The following MPND variants were observed in gnomAD, a reference collection of about 807,000 sequenced individuals.
The protein encoded by MPND is MPN domain containing, also known as MPN domain-containing protein.
In MPND, 56 loss-of-function variants were observed where a neutral mutation model predicts 59.2. The observed-to-expected ratio is 0.95, with a 90% CI of 0.76 to 1.18. The LOEUF (loss-of-function observed/expected upper bound fraction) is 1.18. Ranked by LOEUF, MPND falls within the 50% of genes most tolerant of loss-of-function variation. The pLI is 0.00. For missense variants in MPND, 671 were observed against 676.0 expected (o/e 0.99, Z 0.08); for synonymous variants, 323 against 291.9 (o/e 1.11, Z -1.09).
At chr19:4,357,733 C>CT (rs1972475162) in intron 10 of MPND, 148 bp downstream of exon 10, 1 of 778,098 alleles carries the variant, frequency 1.3e-6, no homozygotes, top group South Asian at 1.8e-5. Flanking sequence ...GACTGCTGCC[C>CT]TGCCCATATT....
rs201493632 is a variant in MPND at position 4,345,842 on chromosome 19, G to A, written c.392G>A (p.Cys131Tyr). The A allele has an allele frequency of 8.1e-6, 13 of 1,613,974 alleles. No homozygotes were observed. The highest frequency in any genetic ancestry group is 1.7e-5 in the Admixed American group (1 of 59,990). Residue 131 changes from cysteine (C) to tyrosine (Y), a missense_variant, in exon 3 of 13, where the codon TGC (cysteine) becomes TAC (tyrosine). By Grantham distance (194) the Cys-to-Tyr change is radical. Transcript: ENST00000599840. The part of the protein sequence containing the change: ...FNSPSAWATH[C>Y]KKLVNPAKKS... ...TCACCCAGCGCCTGGGCCACCCACT[G>A]CAAGAAGCTGGTGAACCCTGCCAAG...
intron 2 of MPND, 25 bp from the exon 3 acceptor site, chr19:4,345,720 C>T (rs1972170417): frequency 1.2e-6 from 2 of 1,610,348 alleles, no homozygotes; most frequent in African/African-American, 1.3e-5. Flanking sequence ...TGGTCCTGGG[C>T]CCAGCCAGCT....
At chr19:4,347,206 T>C (rs1386278983) in intron 3 of MPND, 2 of 151,766 alleles carry the variant, frequency 1.3e-5, no homozygotes, top group Non-Finnish European at 2.9e-5. Context: ...CCACCTGTAG[T>C]ATCAAGAGTA....
chr19:4,354,406 G>C lies in MPND; in HGVS notation c.832G>C (p.Val278Leu), dbSNP rs368354022. The change falls in exon 6 of 13, where the codon GTG becomes CTG. Residue 278 changes from valine (V) to leucine (L), a missense_variant. By Grantham distance (32) the Val-to-Leu change is conservative. Coordinates refer to ENST00000599840, the MANE Select transcript of MPND (RefSeq NM_001300862.2). ...GTTCAACGTGGCTGTTTCTAGCAAC[G>C]TGCTGTTCCTGCTGGTGTGTGGCCC... is the stretch of plus-strand genomic sequence containing the variant. ...QPFNVAVSSN[V>L]LFLLDFHSHL... 3.9e-6 allele frequency: 6 copies of C among 1,557,404 alleles called. No individual in the cohort carries two copies. The African/African-American group carries it at 8.2e-5, about 21-fold the overall frequency.
intron 2 of MPND, among the ~76,000 whole-genome samples, chr19:4,344,798 G>A (rs1972148129): frequency 7.2e-6 from 1 of 138,766 alleles, no homozygotes. Flanking sequence ...GAATGCAGTT[G>A]CTCGATCTCG....
chr19:4,359,017 C>G (rs1972512266), intron 11 of MPND, 146 bp from the exon 12 acceptor site: 2 of 591,890 alleles, frequency 3.4e-6, no homozygotes, highest in Non-Finnish European at 6.1e-6. Context: ...AGCCCTCTGG[C>G]TAAGGTCACT....
intron 1 of MPND, 40 bp from the exon 2 acceptor site, chr19:4,343,652 CGGGGCTGCAGAGCCGT>C: frequency 8.3e-7 from 1 of 1,202,662 alleles, no homozygotes; most frequent in Non-Finnish European, 1.0e-6. Context: ...TGCAGGGGCG[CGGGGCTGCAGAGCCGT>C]GGGGCGAGCG....
At chr19:4,356,466 G>A (rs1972440438) in intron 8 of MPND, among the ~76,000 whole-genome samples, 1 of 152,098 alleles carries the variant, frequency 6.6e-6, no homozygotes, top group Non-Finnish European at 1.5e-5. Flanking sequence ...GATGGATTGA[G>A]TCCAGGAGGT....
rs373102998 is a variant in MPND, at chr19:4,352,801, C to T, written c.532-96C>T. ...TGGTCATGTGGGGCAATGGCACTTA[C>T]GGCTTAGGCCAAAGGGCTGGGGTGG... On this transcript the variant is annotated intron_variant, in intron 3 of 12. Transcript: ENST00000599840. 216 of 1,260,830 alleles carry T rather than the reference C, an allele frequency of 1.7e-4. 1 individual carries two copies. In the South Asian group the frequency reaches 5.9e-3, roughly 35 times the overall value. The allele number at this position is 1,260,830 out of a possible 1,614,324, so 78.1% of individuals were successfully genotyped here. A position where few individuals can be genotyped will look rare whatever the true frequency, so the allele number is the denominator to read the frequency against.
rs1360350825 is a variant in MPND at position 4,357,339 on chromosome 19, G to T, written c.1083G>T (p.Gln361His). The change falls in exon 9 of 13, where the codon CAG (glutamine) becomes CAT (histidine). Residue 361 changes from glutamine (Q) to histidine (H), a missense_variant. By Grantham distance (24) the Gln-to-His change is conservative. Transcript: ENST00000599840. ...ACAGCCCGGCGCTGCCATCTCTGCA[G>T]GACATCGACGCACAGATGGACTACC... Reference protein sequence around the residue: ...HPHSPALPSLQDIDAQMDYQL... With the variant: ...HPHSPALPSLHDIDAQMDYQL... The T allele has an allele frequency of 1.2e-6, 2 of 1,613,300 alleles. No homozygotes were observed. Among genetic ancestry groups the T allele is most frequent in the Non-Finnish European group, 1.7e-6 (2 of 1,180,012 alleles).
chr19:4,356,422 GT>G (rs1200927586), intron 8 of MPND, among the ~76,000 whole-genome samples: 1 of 152,170 alleles, frequency 6.6e-6, no homozygotes. Flanking sequence ...GTACGCACCT[GT>G]AGTCCCATCT....
chr19:4,350,066 G>T (rs1972280340), intron 3 of MPND, among the ~76,000 whole-genome samples: 1 of 151,880 alleles, frequency 6.6e-6, no homozygotes, highest in African/African-American at 2.4e-5. Flanking sequence ...GGTGGGAGTT[G>T]TGGGGGAAGA....
intron 12 of MPND, 102 bp from the exon 13 acceptor site, chr19:4,359,813 CA>C (rs1293015533): frequency 5.5e-6 from 5 of 903,274 alleles, no homozygotes; most frequent in Admixed American, 2.4e-5. Flanking sequence ...GCCTCGGTCT[CA>C]GGGGGGCTCA....
chr19:4,345,110 T>TGC (rs1972157320), intron 2 of MPND, among the ~76,000 whole-genome samples: 1 of 123,132 alleles, frequency 8.1e-6, no homozygotes, highest in African/African-American at 3.1e-5. Flanking sequence ...TGCAGTAGCA[T>TGC]GATCTCGGCT....
At position 4,357,739 on chromosome 19, in the gene MPND, A is replaced by G. The variant is rs1305319378; in HGVS notation, c.1236+154A>G. The stretch of plus-strand genomic sequence containing the variant: ...TGGGGACGTGACTGCTGCCCTGCCC[A>G]TATTTTGGTGAGGTCCTGGGCGTGG... On this transcript the variant is annotated intron_variant, in intron 10 of 12. Transcript: ENST00000599840. The G allele has an allele frequency of 1.3e-5, 10 of 758,386 alleles. No individual in the cohort carries two copies. The East Asian group carries it at 1.3e-4, about 10-fold the overall frequency. The allele number at this position is 758,386 out of a possible 1,614,324, so 47.0% of individuals were successfully genotyped here.
chr19:4,357,184 G>A, intron 8 of MPND, 69 bp from the exon 9 acceptor site: 1 of 1,492,752 alleles, frequency 6.7e-7, no homozygotes. Context: ...GTTCAGGGCT[G>A]GCCAGCCACA....
In MPND at chr19:4,357,411, C is replaced by A; in HGVS notation, c.1155C>A (p.Ala385=). Residue 385 remains alanine, a synonymous_variant, in exon 9 of 13, where the codon GCC becomes GCA. Coordinates refer to ENST00000599840, the MANE Select transcript of MPND (RefSeq NM_001300862.2). ...GSSNGFQPCL[A]LLCSPYYSGN... ...GCAATGGCTTCCAGCCCTGCCTCGC[C>A]CTGCTCTGCTGTACGCGGGATGGGG... 1 of 1,612,596 alleles carries A rather than the reference C, an allele frequency of 6.2e-7. No homozygotes were observed. Among genetic ancestry groups the A allele is most frequent in the South Asian group, 1.1e-5 (1 of 90,982 alleles).
At chr19:4,346,716 GT>G (rs71166988) in intron 3 of MPND, among the ~76,000 whole-genome samples, 52,273 of 150,458 alleles carry the variant, frequency 0.35, 9,409 homozygotes, top group East Asian at 0.59. Context: ...TGCACTGGCC[GT>G]TTTTTTTTTC....
chr19:4,355,283 G>T, intron 8 of MPND, 110 bp downstream of exon 8: 1 of 1,084,102 alleles, frequency 9.2e-7, no homozygotes, highest in South Asian at 1.4e-5. Flanking sequence ...CCGTGCAGGT[G>T]AGCATGCCCG....
Sources: gnomAD v4.1 joint callset for allele counts (sites outside exome capture counted in the v4.1 genomes callset) on GRCh38, gnomAD v4.1.1 for gene constraint, MANE v1.5 for transcripts, NCBI Gene and HGNC (gene_info 2026-07-23, HGNC 2026-07-21) for gene names.